The following ZDHHC14 variants were observed in gnomAD, a reference collection of about 807,000 sequenced individuals.
The protein encoded by ZDHHC14 is palmitoyltransferase ZDHHC14.
ZDHHC14 carries 16 observed loss-of-function variants against 47.7 expected under a neutral mutation model. The observed-to-expected ratio is 0.34, with a 90% CI of 0.23 to 0.51. ZDHHC14 has a LOEUF of 0.51. Among genes scored for constraint, ZDHHC14 ranks in the 20% least tolerant of loss-of-function variants. ZDHHC14 has a pLI of 0.97. For synonymous variants in ZDHHC14, 293 were observed against 278.9 expected (o/e 1.05, Z -0.50); for missense variants, 515 against 662.5 (o/e 0.78, Z 2.44).
intron 1 of ZDHHC14, among the ~76,000 whole-genome samples, chr6:157,453,561 A>G (rs568091205): frequency 6.6e-6 from 1 of 152,292 alleles, no homozygotes; most frequent in Admixed American, 6.5e-5. Flanking sequence ...TAGATTCACT[A>G]GCTATCCTTG....
At chr6:157,454,127 T>C in intron 1 of ZDHHC14, among the ~76,000 whole-genome samples, 1 of 152,266 alleles carries the variant, frequency 6.6e-6, no homozygotes, top group East Asian at 1.9e-4. Context: ...CATTGTTAGC[T>C]GTAGCTGGCC....
At chr6:157,428,159 C>T (rs745563855) in intron 1 of ZDHHC14, among the ~76,000 whole-genome samples, 48 of 152,120 alleles carry the variant, frequency 3.2e-4, no homozygotes, top group African/African-American at 8.7e-4. Flanking sequence ...TGTGCTGACA[C>T]GACCTAAGCC....
chr6:157,425,349 AG>A (rs1290391677), intron 1 of ZDHHC14, among the ~76,000 whole-genome samples: 1 of 152,200 alleles, frequency 6.6e-6, no homozygotes, highest in Non-Finnish European at 1.5e-5. Context: ...TGGTTTGAGT[AG>A]TTTCTTAATG....
intron 1 of ZDHHC14, among the ~76,000 whole-genome samples, chr6:157,387,539 T>C (rs1425064816): frequency 6.6e-6 from 1 of 152,220 alleles, no homozygotes; most frequent in African/African-American, 2.4e-5. Flanking sequence ...ATGGGGTTGA[T>C]ACAGACAATA....
intron 1 of ZDHHC14, among the ~76,000 whole-genome samples, chr6:157,383,599 A>T (rs1438422900): frequency 6.6e-6 from 1 of 152,236 alleles, no homozygotes; most frequent in Non-Finnish European, 1.5e-5. Context: ...TGCGCTGATT[A>T]GCAGTTTTAA....
Position 157,586,319 on chromosome 6 carries a change from G to A in ZDHHC14, c.407-6669G>A, listed in dbSNP as rs1783695882. Among the ~76,000 whole-genome samples, 1 of 152,172 alleles carries A rather than the reference G, an allele frequency of 6.6e-6. No individual in the cohort carries two copies. The highest frequency in any genetic ancestry group is 2.4e-5 in the African/African-American group (1 of 41,434). On this transcript the variant is annotated intron_variant, in intron 2 of 8. Transcript: ENST00000359775. This position sits in a 1 kb window ranked among gnomAD's most constrained non-coding sequence, Gnocchi z 4.6. ...GCAAAGTGTTTTCACAAGAGAAGCT[G>A]GAACTGGCCCTCAAAGGATAGGATT...
chr6:157,458,848 G>GTTTTTTTTT (rs1778990291), intron 1 of ZDHHC14, among the ~76,000 whole-genome samples: 2 of 68,754 alleles, frequency 2.9e-5, no homozygotes, highest in African/African-American at 5.5e-5. Flanking sequence ...AATGTGGGTG[G>GTTTTTTTTT]ATTTTTTTTT....
Position 157,653,602 on chromosome 6 carries a change from G to T in ZDHHC14, c.1043G>T (p.Gly348Val). The T allele has an allele frequency of 6.2e-7, 1 of 1,613,788 alleles. No homozygotes were observed. ...CCCTCCAATGGCATCACCATGTACGGGGCCACGCAGTCACAGAGTGACATG... is the reference window on the plus strand; with the variant it reads ...CCCTCCAATGGCATCACCATGTACGTGGCCACGCAGTCACAGAGTGACATG... ...AAPSNGITMY[G>V]ATQSQSDMCD... The change falls in exon 8 of 9, where the codon GGG (glycine) becomes GTG (valine). Residue 348 changes from glycine (G) to valine (V), a missense_variant. Around this residue, in one of 4 missense-constraint regions of ZDHHC14, gnomAD observed 221 missense variants for 233.6 expected, o/e 0.95. Transcript: ENST00000359775.
chr6:157,455,940 G>T (rs1778902178), intron 1 of ZDHHC14, among the ~76,000 whole-genome samples: 1 of 152,152 alleles, frequency 6.6e-6, no homozygotes, highest in African/African-American at 2.4e-5. Context: ...GCAGTGGACC[G>T]GGTCACACCC....
intron 1 of ZDHHC14, among the ~76,000 whole-genome samples, chr6:157,493,894 T>C (rs1583705845): frequency 1.3e-5 from 2 of 152,216 alleles, no homozygotes; most frequent in East Asian, 3.8e-4. Context: ...ATGGCACCTC[T>C]TATTCAAGCT....
intron 2 of ZDHHC14, among the ~76,000 whole-genome samples, chr6:157,558,706 T>C (rs150345529): frequency 0.021 from 3,170 of 151,714 alleles, 113 homozygotes; most frequent in African/African-American, 0.072. Context: ...GTGCACAGGG[T>C]GGTTGTAAGG....
intron 5 of ZDHHC14, among the ~76,000 whole-genome samples, chr6:157,635,451 G>A (rs554544506): frequency 3.5e-4 from 53 of 152,296 alleles, no homozygotes; most frequent in South Asian, 8.3e-4. Context: ...TATGAGGTCC[G>A]GAGTCATTTC....
At chr6:157,581,027 A>G (rs1582973118) in intron 2 of ZDHHC14, among the ~76,000 whole-genome samples, 1 of 151,838 alleles carries the variant, frequency 6.6e-6, no homozygotes, top group South Asian at 2.1e-4. Flanking sequence ...TGTTAATTTG[A>G]GATCCTTCTT....
chr6:157,606,723 T>TCACC (rs1442567408), intron 3 of ZDHHC14, among the ~76,000 whole-genome samples: 3 of 152,204 alleles, frequency 2.0e-5, no homozygotes, highest in Admixed American at 6.5e-5. Context: ...GGGCATAGTC[T>TCACC]CACCCGCGGT....
chr6:157,662,461 C>T (rs147332482), intron 8 of ZDHHC14, among the ~76,000 whole-genome samples: 2,032 of 152,348 alleles, frequency 0.013, 46 homozygotes, highest in African/African-American at 0.046. Context: ...GGATTACAGG[C>T]GTGAGCCCCC....
chr6:157,633,868 G>A (rs1160884505), intron 5 of ZDHHC14, among the ~76,000 whole-genome samples: 3 of 152,154 alleles, frequency 2.0e-5, no homozygotes, highest in Non-Finnish European at 4.4e-5. Context: ...GGCCAGGCTG[G>A]TCTCAAACTG....
intron 8 of ZDHHC14, among the ~76,000 whole-genome samples, chr6:157,662,331 G>T (rs141817438): frequency 9.2e-5 from 14 of 152,142 alleles, no homozygotes; most frequent in African/African-American, 3.4e-4. Flanking sequence ...ACAGGTGCGC[G>T]CCATCATGCC....
At chr6:157,574,098 A>AC (rs992303744) in intron 2 of ZDHHC14, among the ~76,000 whole-genome samples, 3 of 150,854 alleles carry the variant, frequency 2.0e-5, no homozygotes, top group African/African-American at 7.3e-5. Flanking sequence ...ACAACACCAC[A>AC]CTCTACACCT....
chr6:157,670,513 C>T (rs369284952), intron 8 of ZDHHC14, among the ~76,000 whole-genome samples: 2 of 152,108 alleles, frequency 1.3e-5, no homozygotes, highest in Non-Finnish European at 2.9e-5. Flanking sequence ...AAGCTGGTCT[C>T]GAACTCCTGA....
Sources: allele counts gnomAD v4.1 joint callset (sites outside exome capture counted in the v4.1 genomes callset), GRCh38; gene constraint gnomAD v4.1.1; regional missense constraint gnomAD v4.1.1; non-coding constraint Gnocchi (gnomAD v3.1); transcripts MANE v1.5; gene names NCBI Gene and HGNC (gene_info 2026-07-23, HGNC 2026-07-21).